HSD17B12: variants seen among roughly 807,000 people sequenced by gnomAD.
The protein encoded by HSD17B12 is very-long-chain 3-oxoacyl-CoA reductase.
A neutral mutation model predicts 39.3 loss-of-function variants in HSD17B12; 32 were observed. The ratio of observed to expected loss-of-function variants is 0.81; its 90% confidence interval spans 0.61 to 1.09. HSD17B12 has a LOEUF of 1.09. Among genes scored for constraint, HSD17B12 ranks in the 50% least tolerant of loss-of-function variants. The pLI, the probability that HSD17B12 is intolerant of heterozygous loss-of-function variation, is 0.00. For missense variants in HSD17B12, 342 were observed against 382.9 expected (o/e 0.89, Z 0.89); for synonymous variants, 150 against 146.7 (o/e 1.02, Z -0.16).
intron 4 of HSD17B12, among the ~76,000 whole-genome samples, chr11:43,805,078 G>A (rs1951005836): frequency 6.6e-6 from 1 of 152,174 alleles, no homozygotes; most frequent in African/African-American, 2.4e-5. Flanking sequence ...TGGAAGGAAG[G>A]AAAATGGAGC....
intron 3 of HSD17B12, among the ~76,000 whole-genome samples, chr11:43,792,667 G>C (rs990161335): frequency 2.1e-5 from 3 of 145,362 alleles, no homozygotes; most frequent in Non-Finnish European, 4.5e-5. Flanking sequence ...GAACTGAATT[G>C]TCTCTCAATG....
chr11:43,677,139 G>T (rs1310205519), upstream of HSD17B12, among the ~76,000 whole-genome samples: 2 of 152,184 alleles, frequency 1.3e-5, no homozygotes. Context: ...TACAGCCTTA[G>T]GGTTAGACCT....
chr11:43,662,202 T>C, the HSD17B12 span, among the ~76,000 whole-genome samples: 3 of 146,842 alleles, frequency 2.0e-5, no homozygotes, highest in South Asian at 2.2e-4. Flanking sequence ...CACGTCTCTT[T>C]TTTTTTTTTT....
At chr11:43,653,724 A>G in the HSD17B12 span, among the ~76,000 whole-genome samples, 982 of 152,306 alleles carry the variant, frequency 6.4e-3, 7 homozygotes, top group African/African-American at 0.023. Flanking sequence ...TACAAAGGAC[A>G]TGAACTCATC....
At chr11:43,671,369 C>T in the HSD17B12 span, among the ~76,000 whole-genome samples, 9 of 152,120 alleles carry the variant, frequency 5.9e-5, no homozygotes, top group Admixed American at 1.3e-4. Context: ...TTAGTAGAGA[C>T]GGGGTTTCGC....
Position 43,690,361 on chromosome 11 carries a change from C to CAT in HSD17B12, c.160+9417_160+9418dup, listed in dbSNP as rs61646858. 5.5e-3 allele frequency among the ~76,000 whole-genome samples: 215 copies of CAT among 39,394 alleles called. 7 individuals carry two copies. Among genetic ancestry groups the CAT allele is most frequent in the East Asian group, 7.2e-3 (11 of 1,538 alleles). 25.8% of individuals were successfully genotyped at this position (39,394 alleles called of 152,430 possible). On this transcript the variant is annotated intron_variant, in intron 1 of 10. Coordinates refer to ENST00000278353, the MANE Select transcript of HSD17B12 (RefSeq NM_016142.3). ...ATATCTGTTAAGTAAGGTATTCATA[C>CAT]ATATATATATATATATATATATATA...
At chr11:43,772,812 G>A (rs1950661893) in intron 3 of HSD17B12, among the ~76,000 whole-genome samples, 1 of 152,026 alleles carries the variant, frequency 6.6e-6, no homozygotes, top group Non-Finnish European at 1.5e-5. Context: ...GATTTGGGGG[G>A]AAAAGAAAAA....
rs11037624 is a variant in HSD17B12 at position 43,776,291 on chromosome 11, G to A, written c.284-22029G>A. On this transcript the variant is annotated intron_variant, in intron 3 of 10. Coordinates refer to ENST00000278353, the MANE Select transcript of HSD17B12 (RefSeq NM_016142.3). ...GTTGTTTCCTGACTTTTTAATGATT[G>A]CCATTCTAACTGGTGTGAGATGGTA... 3.9e-3 allele frequency among the ~76,000 whole-genome samples: 591 copies of A among 152,180 alleles called. 5 individuals are homozygous for A. In the East Asian group the frequency reaches 0.044, roughly 11 times the overall value.
intron 4 of HSD17B12, among the ~76,000 whole-genome samples, chr11:43,813,891 ATTG>A (rs1056519513): frequency 2.2e-4 from 33 of 152,304 alleles, no homozygotes; most frequent in African/African-American, 7.9e-4. Context: ...TTTCAGTGGT[ATTG>A]TTGTAAAATC....
intron 1 of HSD17B12, among the ~76,000 whole-genome samples, chr11:43,691,510 T>G (rs1949862164): frequency 6.6e-6 from 1 of 152,276 alleles, no homozygotes; most frequent in South Asian, 2.1e-4. Flanking sequence ...TCTTGCTGAA[T>G]CTACCACTAC....
intron 4 of HSD17B12, among the ~76,000 whole-genome samples, chr11:43,808,552 T>C (rs920129157): frequency 3.9e-5 from 6 of 152,204 alleles, no homozygotes; most frequent in South Asian, 4.1e-4. Flanking sequence ...ATGAAATTGG[T>C]GAATGTTCTT....
the HSD17B12 span, among the ~76,000 whole-genome samples, chr11:43,585,295 T>C: frequency 2.6e-5 from 4 of 152,238 alleles, no homozygotes; most frequent in South Asian, 4.1e-4. Flanking sequence ...AAAGTCATAC[T>C]GTGATTCTTA....
the HSD17B12 span, among the ~76,000 whole-genome samples, chr11:43,664,720 C>T: frequency 1.3e-5 from 2 of 152,116 alleles, no homozygotes; most frequent in African/African-American, 4.8e-5. Flanking sequence ...TTGGGGGTGC[C>T]CACAAGTCCC....
intron 1 of HSD17B12, among the ~76,000 whole-genome samples, chr11:43,703,444 T>C (rs1274669408): frequency 6.6e-6 from 1 of 152,222 alleles, no homozygotes; most frequent in Non-Finnish European, 1.5e-5. Context: ...TCCGCCCGCC[T>C]CGGCCTCCCA....
At chr11:43,686,470 C>T (rs972830051) in intron 1 of HSD17B12, among the ~76,000 whole-genome samples, 2 of 152,054 alleles carry the variant, frequency 1.3e-5, no homozygotes, top group African/African-American at 4.8e-5. Context: ...AAAAGCATAC[C>T]TTTATTTGAT....
chr11:43,751,809 G>A (rs1950467082), intron 2 of HSD17B12, among the ~76,000 whole-genome samples: 1 of 152,050 alleles, frequency 6.6e-6, no homozygotes. Context: ...GTTAGTTATA[G>A]ACATAACAGT....
rs1040456883 is a variant in HSD17B12, at chr11:43,819,444, T to G, written c.501+3053T>G. Among the ~76,000 whole-genome samples the G allele has an allele frequency of 3.9e-5, 6 of 152,300 alleles. No homozygotes were observed. In the East Asian group the frequency reaches 1.2e-3, roughly 29 times the overall value. Reference sequence around the variant, plus strand: ...AGGATCTGAGCACAGATCAGCATATTCAGTGGTCATTACGGTGAGTCTCTG... The same window carrying G: ...AGGATCTGAGCACAGATCAGCATATGCAGTGGTCATTACGGTGAGTCTCTG... On this transcript the variant is annotated intron_variant, in intron 6 of 10. Transcript: ENST00000278353.
In HSD17B12 at chr11:43,840,043, G is replaced by T. The variant is rs1404673012; in HGVS notation, c.663G>T (p.Arg221Ser). Reference sequence around the variant, plus strand: ...CTCAGTGCCTCCATGAGGAGTATAGGAGCAAGGGCGTCTTTGTGCAGGTGA... The same window carrying T: ...CTCAGTGCCTCCATGAGGAGTATAGTAGCAAGGGCGTCTTTGTGCAGGTGA... ...FFSQCLHEEY[R>S]SKGVFVQSVL... Residue 221 changes from arginine to serine, a missense_variant, in exon 9 of 11, where the codon AGG (arginine) becomes AGT (serine). By Grantham distance (110) the Arg-to-Ser change is moderately radical. Coordinates refer to ENST00000278353, the MANE Select transcript of HSD17B12 (RefSeq NM_016142.3). 2.5e-6 allele frequency: 4 copies of T among 1,612,628 alleles called. No homozygotes were observed. In the Middle Eastern group the frequency reaches 5.0e-4, roughly 200 times the overall value.
At chr11:43,683,939 C>G (rs960462722) in intron 1 of HSD17B12, among the ~76,000 whole-genome samples, 1 of 152,298 alleles carries the variant, frequency 6.6e-6, no homozygotes, top group South Asian at 2.1e-4. Context: ...TCTTTTCTCA[C>G]AAATTGGCTC....
Sources: allele counts gnomAD v4.1 joint callset (sites outside exome capture counted in the v4.1 genomes callset), GRCh38; gene constraint gnomAD v4.1.1; transcripts MANE v1.5; gene names NCBI Gene and HGNC (gene_info 2026-07-23, HGNC 2026-07-21).